FAM149A: variants seen among roughly 807,000 people sequenced by gnomAD.
FAM149A encodes protein FAM149A.
FAM149A carries 71 observed loss-of-function variants against 78.2 expected under a neutral mutation model. That is an observed-to-expected ratio of 0.91 (90% CI 0.75 to 1.11). The LOEUF is 1.11. Among genes scored for constraint, FAM149A ranks in the 50% least tolerant of loss-of-function variants. FAM149A has a pLI of 0.00. For missense variants in FAM149A, 1,036 were observed against 971.0 expected (o/e 1.07, Z -0.89); for synonymous variants, 446 against 410.5 (o/e 1.09, Z -1.04).
intron 1 of FAM149A, among the ~76,000 whole-genome samples, chr4:186,141,594 CTG>C (rs1309266037): frequency 6.6e-6 from 1 of 152,156 alleles, no homozygotes; most frequent in African/African-American, 2.4e-5. Flanking sequence ...AATTAAGGAA[CTG>C]TTCAGGTTTT....
At chr4:186,129,723 C>T (rs2099319765) in intron 1 of FAM149A, among the ~76,000 whole-genome samples, 1 of 152,200 alleles carries the variant, frequency 6.6e-6, no homozygotes, top group Non-Finnish European at 1.5e-5. Context: ...CAAATACAAT[C>T]CTCTTTGAAC....
At chr4:186,140,933 T>TC (rs1455204933) in intron 1 of FAM149A, among the ~76,000 whole-genome samples, 2 of 152,190 alleles carry the variant, frequency 1.3e-5, no homozygotes, top group Non-Finnish European at 2.9e-5. Context: ...GGCTGACAAG[T>TC]CACAAGGCCT....
intron 8 of FAM149A, among the ~76,000 whole-genome samples, chr4:186,161,543 T>TA (rs772166833): frequency 2.6e-5 from 4 of 151,988 alleles, no homozygotes; most frequent in East Asian, 1.9e-4. Context: ...ATTTCCCACT[T>TA]AAAAAAAATA....
intron 1 of FAM149A, among the ~76,000 whole-genome samples, chr4:186,137,941 C>T (rs73873731): frequency 1.0e-3 from 154 of 152,064 alleles, no homozygotes; most frequent in African/African-American, 3.6e-3. Flanking sequence ...TTTTTATACT[C>T]TTCCCATTAA....
chr4:186,116,752 A>G, intron 1 of FAM149A: 1 of 982,234 alleles, frequency 1.0e-6, no homozygotes, highest in Non-Finnish European at 1.2e-6. Context: ...AAATCTTGAA[A>G]ATTGTATTTG....
intron 13 of FAM149A, 85 bp downstream of exon 13, chr4:186,167,347 T>C (rs1209417516): frequency 7.8e-7 from 1 of 1,273,910 alleles, no homozygotes; most frequent in East Asian, 2.3e-5. Flanking sequence ...TGATCTACCT[T>C]GATAAGCCTA....
At chr4:186,153,616 A>G in intron 4 of FAM149A, 29 bp from the exon 5 acceptor site, 1 of 1,594,700 alleles carries the variant, frequency 6.3e-7, no homozygotes, top group Non-Finnish European at 8.6e-7. Flanking sequence ...CTGATCAAAA[A>G]TGTCAGTAGC....
intron 1 of FAM149A, among the ~76,000 whole-genome samples, chr4:186,136,975 T>TC (rs1491568948): frequency 0.015 from 874 of 57,240 alleles, 8 homozygotes; most frequent in Middle Eastern, 0.038. Flanking sequence ...TCTCTCTCTC[T>TC]TTCTCTCTCT....
chr4:186,130,295 A>ATCTC (rs2099320195), intron 1 of FAM149A: 1 of 25,968 alleles, frequency 3.9e-5, no homozygotes, highest in Non-Finnish European at 7.4e-5. Context: ...CTCTCTCTCT[A>ATCTC]TATATATATA....
At chr4:186,140,668 A>G (rs1306697907) in intron 1 of FAM149A, among the ~76,000 whole-genome samples, 1 of 152,218 alleles carries the variant, frequency 6.6e-6, no homozygotes, top group Admixed American at 6.5e-5. Context: ...GACTCTAATT[A>G]CTGATCCCAG....
intron 1 of FAM149A, among the ~76,000 whole-genome samples, chr4:186,132,482 T>C (rs1245996342): frequency 6.6e-6 from 1 of 152,216 alleles, no homozygotes; most frequent in South Asian, 2.1e-4. Flanking sequence ...CCAAAAAATA[T>C]CTAAGACAGG....
chr4:186,166,053 G>C (rs1183002078), intron 11 of FAM149A, among the ~76,000 whole-genome samples: 4 of 152,292 alleles, frequency 2.6e-5, no homozygotes, highest in Admixed American at 6.5e-5. Context: ...TCTGCAGTCA[G>C]ACTCGCCTCG....
At chr4:186,129,360 A>T (rs2126343355) in intron 1 of FAM149A, among the ~76,000 whole-genome samples, 1 of 152,312 alleles carries the variant, frequency 6.6e-6, no homozygotes, top group Admixed American at 6.5e-5. Flanking sequence ...TCCTTTCCCC[A>T]TAAGGAATTC....
intron 4 of FAM149A, among the ~76,000 whole-genome samples, chr4:186,152,278 C>G (rs1043529353): frequency 6.6e-6 from 1 of 152,204 alleles, no homozygotes; most frequent in African/African-American, 2.4e-5. Context: ...TCAGGCCATC[C>G]TGAGAAGGGC....
chr4:186,111,320 G>A lies in FAM149A; in HGVS notation c.566+5678G>A, dbSNP rs547261360. Among the ~76,000 whole-genome samples the A allele has an allele frequency of 9.1e-3, 1,381 of 152,070 alleles. 34 individuals carry two copies. The highest frequency in any genetic ancestry group is 0.032 in the African/African-American group (1,313 of 41,402). On this transcript the variant is annotated intron_variant, in intron 1 of 13. Coordinates refer to ENST00000389354, the MANE Select transcript of FAM149A (RefSeq NM_001367768.3). ...GTCCTTTGTCAGATGAGTAGGTTGC[G>A]AAAATTTTCTCCCATTTTGTAGGTT...
intron 5 of FAM149A, among the ~76,000 whole-genome samples, chr4:186,154,130 C>T (rs1579893476): frequency 6.6e-6 from 1 of 152,292 alleles, no homozygotes; most frequent in African/African-American, 2.4e-5. Flanking sequence ...AGAAATGAAG[C>T]TCTGTCCTGT....
chr4:186,153,819 GTTATACTTTTTCATGT>G lies in FAM149A; in HGVS notation c.1058+54_1058+69del, dbSNP rs561285171. Reference sequence around the variant, plus strand: ...AAAAAGTATTGTTAGCTGTATTTTAGTTATACTTTTTCATGTTTATCTCATCTATAAGCCTTGGCTC... The same window carrying G: ...AAAAAGTATTGTTAGCTGTATTTTAGTTATCTCATCTATAAGCCTTGGCTC... On this transcript the variant is annotated intron_variant, in intron 5 of 13. Coordinates refer to ENST00000389354, the MANE Select transcript of FAM149A (RefSeq NM_001367768.3). 176 of 1,555,902 alleles carry G rather than the reference GTTATACTTTTTCATGT, an allele frequency of 1.1e-4. 1 individual carries two copies. The South Asian group carries it at 2.0e-3, about 18-fold the overall frequency.
At chr4:186,157,768 G>C (rs2276921) in intron 8 of FAM149A, 49 bp downstream of exon 8, 760,224 of 1,575,736 alleles carry the variant, frequency 0.48, 185,062 homozygotes, top group East Asian at 0.53. Flanking sequence ...CTGTGTGTCT[G>C]TCACCTCAGT....
Position 186,164,422 on chromosome 4 carries a change from A to G in FAM149A, c.1889+789A>G. 1 of 984,126 alleles carries G rather than the reference A, an allele frequency of 1.0e-6. No individual in the cohort carries two copies. The highest frequency in any genetic ancestry group is 4.7e-5 in the South Asian group (1 of 21,252). 61.0% of individuals were successfully genotyped at this position (984,126 alleles called of 1,614,324 possible). The stretch of plus-strand genomic sequence containing the variant: ...CCACTGGACCCCCGGCCTGCAGGGG[A>G]GCTGTTATCAGGAGCCGAGCTCAGG... On this transcript the variant is annotated intron_variant, in intron 10 of 13. Coordinates refer to ENST00000389354, the MANE Select transcript of FAM149A (RefSeq NM_001367768.3). This position sits in a 1 kb window ranked among gnomAD's most constrained non-coding sequence, Gnocchi z 4.0.
Sources: allele counts gnomAD v4.1 joint callset (sites outside exome capture counted in the v4.1 genomes callset), GRCh38; gene constraint gnomAD v4.1.1; non-coding constraint Gnocchi (gnomAD v3.1); transcripts MANE v1.5; gene names NCBI Gene and HGNC (gene_info 2026-07-23, HGNC 2026-07-21).